The following MAPK14 variants were observed in gnomAD, a reference collection of about 807,000 sequenced individuals.
The protein encoded by MAPK14 is mitogen-activated protein kinase 14.
A neutral mutation model predicts 49.6 loss-of-function variants in MAPK14; 16 were observed. The ratio of observed to expected loss-of-function variants is 0.32; its 90% CI spans 0.22 to 0.49. The LOEUF (loss-of-function observed/expected upper bound fraction) is 0.49. Ranked by LOEUF, MAPK14 falls within the 20% of genes least tolerant of loss-of-function variation. The pLI is 0.99. For synonymous variants in MAPK14, 142 were observed against 158.0 expected (o/e 0.90, Z 0.76); for missense variants, 200 against 441.2 (o/e 0.45, Z 4.90).
intron 8 of MAPK14, among the ~76,000 whole-genome samples, chr6:36,086,040 C>T (rs1269913055): frequency 6.6e-6 from 1 of 152,136 alleles, no homozygotes; most frequent in Non-Finnish European, 1.5e-5. Flanking sequence ...AATTGGACAA[C>T]CTGCTCCTGA....
intron 8 of MAPK14, 126 bp downstream of exon 8, chr6:36,076,734 T>TG: frequency 1.8e-6 from 1 of 561,280 alleles, no homozygotes; most frequent in Non-Finnish European, 3.0e-6. Context: ...AGATAATGCA[T>TG]TATGAGGTCT....
chr6:36,068,661 C>G (rs1192768994), intron 3 of MAPK14, among the ~76,000 whole-genome samples: 1 of 151,976 alleles, frequency 6.6e-6, no homozygotes, highest in African/African-American at 2.4e-5. Flanking sequence ...CTATAGATAT[C>G]GAAGAGTTTT....
chr6:36,052,560 TC>T, intron 1 of MAPK14, 138 bp from the exon 2 acceptor site: 1 of 619,026 alleles, frequency 1.6e-6, no homozygotes, highest in South Asian at 3.9e-5. Context: ...GGATAATAGG[TC>T]ATTTTGCTTT....
At chr6:36,116,182 A>G (rs531292855), downstream of MAPK14, among the ~76,000 whole-genome samples, 146 of 152,292 alleles carry the variant, frequency 9.6e-4, no homozygotes, top group Middle Eastern at 3.4e-3. Flanking sequence ...GCTTGTACCT[A>G]TACATAGAAT....
At chr6:36,039,546 A>C (rs1056910099) in intron 1 of MAPK14, among the ~76,000 whole-genome samples, 1 of 152,152 alleles carries the variant, frequency 6.6e-6, no homozygotes, top group African/African-American at 2.4e-5. Context: ...TTTCAAACTT[A>C]TGGCTTAAAA....
intron 1 of MAPK14, among the ~76,000 whole-genome samples, chr6:36,039,675 G>C (rs1474094095): frequency 6.6e-6 from 1 of 152,102 alleles, no homozygotes; most frequent in Non-Finnish European, 1.5e-5. Context: ...TTTGTTTACA[G>C]AGATTTTAAA....
chr6:36,084,781 A>G (rs1486781590), intron 8 of MAPK14, among the ~76,000 whole-genome samples: 1 of 152,182 alleles, frequency 6.6e-6, no homozygotes, highest in Non-Finnish European at 1.5e-5. Context: ...AACTTCCCCA[A>G]CCTAGCAAGA....
chr6:36,034,637 ACTT>A (rs1350579423), intron 1 of MAPK14, among the ~76,000 whole-genome samples: 1 of 152,180 alleles, frequency 6.6e-6, no homozygotes, highest in Non-Finnish European at 1.5e-5. Context: ...ATAACCAAAA[ACTT>A]CTTTAAACTT....
intron 1 of MAPK14, among the ~76,000 whole-genome samples, chr6:36,043,445 C>T (rs932805116): frequency 2.0e-5 from 3 of 152,092 alleles, no homozygotes; most frequent in Admixed American, 1.3e-4. Flanking sequence ...ATTTTCAAGA[C>T]GTTATTTCCA....
intron 9 of MAPK14, among the ~76,000 whole-genome samples, chr6:36,101,223 T>G (rs955478104): frequency 6.6e-6 from 1 of 152,132 alleles, no homozygotes; most frequent in Non-Finnish European, 1.5e-5. Flanking sequence ...GAGGATCAGT[T>G]GAGCCCAGGA....
intron 1 of MAPK14, among the ~76,000 whole-genome samples, chr6:36,043,777 T>C (rs78616332): frequency 0.017 from 2,540 of 151,630 alleles, 74 homozygotes; most frequent in African/African-American, 0.058. Flanking sequence ...CTTCTCACTT[T>C]ATAGATATTC....
the MAPK14 span, among the ~76,000 whole-genome samples, chr6:36,122,211 C>CT: frequency 6.6e-6 from 1 of 152,214 alleles, no homozygotes; most frequent in African/African-American, 2.4e-5. Context: ...GGATAGTTTA[C>CT]TTAGAAGGGG....
intron 1 of MAPK14, among the ~76,000 whole-genome samples, chr6:36,039,054 A>C (rs1300694487): frequency 6.6e-6 from 1 of 152,134 alleles, no homozygotes; most frequent in African/African-American, 2.4e-5. Context: ...ATCTGTCATT[A>C]ATGTCTTAGC....
intron 9 of MAPK14, among the ~76,000 whole-genome samples, chr6:36,099,026 C>T (rs114976245): frequency 6.6e-6 from 1 of 152,204 alleles, no homozygotes; most frequent in South Asian, 2.1e-4. Flanking sequence ...GCACATGGCT[C>T]TAGCTCCCTC....
intron 9 of MAPK14, among the ~76,000 whole-genome samples, chr6:36,101,574 CTCCTGGGCTCAAGCT>C (rs1486539276): frequency 2.6e-5 from 4 of 152,064 alleles, no homozygotes; most frequent in Non-Finnish European, 2.9e-5. Flanking sequence ...GAACCTCCAC[CTCCTGGGCTCAAGCT>C]TCCTGGGCTC....
chr6:36,060,938 C>T (rs1017216218), intron 3 of MAPK14, among the ~76,000 whole-genome samples: 1 of 152,032 alleles, frequency 6.6e-6, no homozygotes, highest in African/African-American at 2.4e-5. Context: ...AAAAAATAGC[C>T]AATAACTAAG....
downstream of MAPK14, among the ~76,000 whole-genome samples, chr6:36,114,278 T>C (rs573425512): frequency 3.3e-5 from 5 of 152,228 alleles, no homozygotes; most frequent in African/African-American, 1.2e-4. Context: ...AAGCCTCTTT[T>C]CTTGAAAAAA....
At chr6:36,045,206 T>TA (rs1763124967) in intron 1 of MAPK14, among the ~76,000 whole-genome samples, 1 of 152,070 alleles carries the variant, frequency 6.6e-6, no homozygotes, top group South Asian at 2.1e-4. Flanking sequence ...ATTTTGGCCT[T>TA]ACGACAGCAA....
At chr6:36,037,921 T>C (rs1762813756) in intron 1 of MAPK14, among the ~76,000 whole-genome samples, 1 of 151,992 alleles carries the variant, frequency 6.6e-6, no homozygotes, top group Non-Finnish European at 1.5e-5. Context: ...CCTAAGAGGA[T>C]TGCTTGAGCC....
Sources: gnomAD v4.1 joint callset for allele counts (sites outside exome capture counted in the v4.1 genomes callset) on GRCh38, gnomAD v4.1.1 for gene constraint, MANE v1.5 for transcripts, NCBI Gene and HGNC (gene_info 2026-07-23, HGNC 2026-07-21) for gene names.